EXD2: variants seen among roughly 807,000 people sequenced by gnomAD.
EXD2 encodes exonuclease 3'-5' domain-containing protein 2.
A neutral mutation model predicts 62.5 loss-of-function variants in EXD2; 40 were observed. That is an observed-to-expected ratio of 0.64 (90% confidence interval 0.50 to 0.83). The LOEUF (loss-of-function observed/expected upper bound fraction) is 0.83. EXD2 is among the 40% of genes least tolerant of loss of function. EXD2 has a pLI of 0.00. For synonymous variants in EXD2, 239 were observed against 291.9 expected (o/e 0.82, Z 1.85); for missense variants, 671 against 761.8 (o/e 0.88, Z 1.40).
In EXD2 at chr14:69,243,823, A is replaced by G. The variant is rs2044040698; in HGVS notation, c.*2723A>G. 1 of 152,160 alleles carries G rather than the reference A, an allele frequency of 6.6e-6. No individual in the cohort carries two copies. Among genetic ancestry groups the G allele is most frequent in the South Asian group, 2.1e-4 (1 of 4,826 alleles). 9.4% of individuals were successfully genotyped at this position (152,160 alleles called of 1,614,324 possible). On this transcript the variant is annotated 3_prime_UTR_variant, in exon 10 of 10. Transcript: ENST00000685843. ...TTCATAGGAGTAGCAGTGAGAGGAC[A>G]GTGTCACAGCAAGGGCCTCTCTGCA...
chr14:69,221,624 C>CT (rs993051631), intron 3 of EXD2, among the ~76,000 whole-genome samples: 1 of 151,494 alleles, frequency 6.6e-6, no homozygotes, highest in Non-Finnish European at 1.5e-5. Flanking sequence ...AAAAATTAGC[C>CT]TGGCATGGTG....
At chr14:69,237,546 G>A in intron 8 of EXD2, 29 bp from the exon 9 acceptor site, 1 of 1,605,504 alleles carries the variant, frequency 6.2e-7, no homozygotes, top group Non-Finnish European at 8.5e-7. Flanking sequence ...ACACTTATGA[G>A]CGCTGCTTTC....
At chr14:69,226,434 C>A (rs1045362869) in intron 3 of EXD2, among the ~76,000 whole-genome samples, 3 of 152,168 alleles carry the variant, frequency 2.0e-5, no homozygotes, top group Non-Finnish European at 2.9e-5. Context: ...CATGGTTTTA[C>A]TCCGCCTTAG....
chr14:69,221,259 A>G (rs2043175338), intron 3 of EXD2, among the ~76,000 whole-genome samples: 1 of 152,242 alleles, frequency 6.6e-6, no homozygotes, highest in African/African-American at 2.4e-5. Context: ...AAGAGTTTGT[A>G]TAAGATTGTC....
intron 1 of EXD2, among the ~76,000 whole-genome samples, chr14:69,195,599 A>G (rs538510887): frequency 1.8e-4 from 28 of 152,270 alleles, no homozygotes; most frequent in African/African-American, 6.5e-4. Flanking sequence ...GAGTCGTGCA[A>G]ACATCACCGT....
intron 3 of EXD2, among the ~76,000 whole-genome samples, chr14:69,223,258 A>G (rs552736829): frequency 1.0e-3 from 154 of 152,300 alleles, no homozygotes; most frequent in African/African-American, 3.6e-3. Flanking sequence ...CCAGCCTTTC[A>G]TATTCACCTG....
At chr14:69,206,867 T>C (rs1211520563) in intron 2 of EXD2, among the ~76,000 whole-genome samples, 1 of 152,206 alleles carries the variant, frequency 6.6e-6, no homozygotes. Flanking sequence ...GTTTTACATT[T>C]TTATCTTTTC....
intron 1 of EXD2, among the ~76,000 whole-genome samples, chr14:69,201,257 C>T (rs763125064): frequency 1.3e-5 from 2 of 151,826 alleles, no homozygotes; most frequent in Non-Finnish European, 2.9e-5. Context: ...GTTATGATCT[C>T]AGCTCACTGC....
chr14:69,201,844 G>T (rs754535243), intron 1 of EXD2, among the ~76,000 whole-genome samples: 1 of 151,766 alleles, frequency 6.6e-6, no homozygotes, highest in African/African-American at 2.4e-5. Context: ...CACCACACCC[G>T]GCTAATTTTT....
chr14:69,239,260 G>A (rs1399147766), intron 9 of EXD2: 1 of 152,208 alleles, frequency 6.6e-6, no homozygotes, highest in East Asian at 1.9e-4. Context: ...GATGGTAAGA[G>A]CTCTGGGCTA....
chr14:69,240,140 A>C (rs909913667), intron 9 of EXD2, among the ~76,000 whole-genome samples: 1 of 152,174 alleles, frequency 6.6e-6, no homozygotes, highest in Non-Finnish European at 1.5e-5. Context: ...AGGATTGAAC[A>C]TGGGGTATGG....
At chr14:69,226,796 A>G (rs1308921881) in intron 3 of EXD2, among the ~76,000 whole-genome samples, 1 of 146,710 alleles carries the variant, frequency 6.8e-6, no homozygotes, top group Non-Finnish European at 1.5e-5. Flanking sequence ...TTTTTTTAAC[A>G]GCAGTTCTTT....
chr14:69,196,516 T>G (rs1205968249), intron 1 of EXD2, among the ~76,000 whole-genome samples: 1 of 152,204 alleles, frequency 6.6e-6, no homozygotes, highest in African/African-American at 2.4e-5. Context: ...GCCAGTGGCA[T>G]TGCTAGGTTA....
chr14:69,198,299 C>T (rs2042276840), intron 1 of EXD2, among the ~76,000 whole-genome samples: 1 of 152,162 alleles, frequency 6.6e-6, no homozygotes, highest in Non-Finnish European at 1.5e-5. Flanking sequence ...GGTTGTGATG[C>T]AGTCATTCTG....
chr14:69,240,811 A>G, intron 9 of EXD2, 73 bp from the exon 10 acceptor site: 2 of 1,350,306 alleles, frequency 1.5e-6, no homozygotes, highest in South Asian at 1.3e-5. Flanking sequence ...CTTGGCGCGC[A>G]GCATTTGAAG....
In EXD2 at chr14:69,227,614, G is replaced by A. The variant is rs779837069; in HGVS notation, c.334-1202G>A. ...TGTAATCCCAGCACTCTGGAAGGCC[G>A]AGGCAGAAGGATCACTTGAGGTCAG... On this transcript the variant is annotated intron_variant, in intron 3 of 9. Coordinates refer to ENST00000685843, the MANE Select transcript of EXD2 (RefSeq NM_001193360.2). 1.5e-4 allele frequency among the ~76,000 whole-genome samples: 23 copies of A among 152,104 alleles called. 2 individuals are homozygous for A. Among genetic ancestry groups the A allele is most frequent in the Admixed American group, 1.4e-3 (22 of 15,266 alleles).
At chr14:69,240,739 G>A (rs3742901) in intron 9 of EXD2, 145 bp from the exon 10 acceptor site, 11 of 630,064 alleles carry the variant, frequency 1.7e-5, no homozygotes, top group Non-Finnish European at 3.0e-5. Flanking sequence ...ATAAGAAAGA[G>A]GATGTTTCGA....
In EXD2 at chr14:69,230,600, T is replaced by C. The variant is rs757004191; in HGVS notation, c.717+2T>C. On this transcript the variant is annotated splice_donor_variant, in intron 5 of 9. Transcript: ENST00000685843. LOFTEE classifies it high-confidence loss of function. ...GCTGAGACTCTCACAGAGGACCAGG[T>C]ACTTCTTATCAGAGTAGTTGAAGAA... 1 of 1,605,538 alleles carries C rather than the reference T, an allele frequency of 6.2e-7. No individual in the cohort carries two copies. Among genetic ancestry groups the C allele is most frequent in the Non-Finnish European group, 8.5e-7 (1 of 1,177,578 alleles).
intron 5 of EXD2, 112 bp from the exon 6 acceptor site, chr14:69,234,588 G>A (rs988365882): frequency 1.0e-5 from 9 of 884,780 alleles, no homozygotes; most frequent in African/African-American, 6.7e-5. Context: ...CCAGGTTGTC[G>A]TACATTTTGA....
Sources: gnomAD v4.1 joint callset for allele counts (sites outside exome capture counted in the v4.1 genomes callset) on GRCh38, gnomAD v4.1.1 for gene constraint, MANE v1.5 for transcripts, NCBI Gene and HGNC (gene_info 2026-07-23, HGNC 2026-07-21) for gene names.